NLRC3: variants seen among roughly 807,000 people sequenced by gnomAD.
NLRC3 encodes NLR family CARD domain containing 3.
In NLRC3, 87 loss-of-function variants were observed where a neutral mutation model predicts 91.6. The ratio of observed to expected loss-of-function variants is 0.95; its 90% CI spans 0.80 to 1.14. NLRC3 has a LOEUF of 1.14. NLRC3 is among the 50% of genes most tolerant of loss of function. NLRC3 has a pLI of 0.00. For missense variants in NLRC3, 1,577 were observed against 1,418.6 expected (o/e 1.11, Z -1.79); for synonymous variants, 694 against 625.3 (o/e 1.11, Z -1.64).
chr16:3,568,162 A>C (rs893191182), intron 1 of NLRC3, among the ~76,000 whole-genome samples: 2 of 152,182 alleles, frequency 1.3e-5, no homozygotes, highest in African/African-American at 4.8e-5. Context: ...TATCTGGAAA[A>C]TGATAAAAGA....
chr16:3,561,938 C>T (rs948340824), intron 5 of NLRC3, 150 bp from the exon 6 acceptor site: 32 of 620,458 alleles, frequency 5.2e-5, no homozygotes, highest in African/African-American at 5.0e-4. Context: ...CAGACCTTTC[C>T]CGTGAGAGTG....
rs190544570 is a variant in NLRC3 at position 3,543,741 on chromosome 16, G to A, written c.2856-233C>T. On this transcript the variant is annotated intron_variant, in intron 16 of 19. Transcript: ENST00000359128. ...ATAGAGGCTGTCCCTGGAAGGGCTC[G>A]GGGAGAATGCTCCCTGTACCTCCTC... The A allele has an allele frequency of 1.3e-3, 747 of 553,826 alleles. 3 individuals carry two copies. Among genetic ancestry groups the A allele is most frequent in the Middle Eastern group, 4.4e-3 (9 of 2,042 alleles). 34.3% of individuals were successfully genotyped at this position (553,826 alleles called of 1,614,324 possible).
chr16:3,559,906 G>A (rs1417784640), intron 6 of NLRC3, among the ~76,000 whole-genome samples: 1 of 151,982 alleles, frequency 6.6e-6, no homozygotes, highest in Admixed American at 6.6e-5. Flanking sequence ...GTCTCCCAAA[G>A]TGCTGGGATT....
At chr16:3,568,731 G>T (rs556442621) in intron 1 of NLRC3, among the ~76,000 whole-genome samples, 14 of 150,806 alleles carry the variant, frequency 9.3e-5, no homozygotes, top group African/African-American at 3.4e-4. Flanking sequence ...TGTCTTAGGA[G>T]AAAAAAAAAG....
At chr16:3,546,394 TAAAAA>T (rs57467448) in intron 15 of NLRC3, among the ~76,000 whole-genome samples, 9 of 134,172 alleles carry the variant, frequency 6.7e-5, no homozygotes, top group Non-Finnish European at 1.5e-4. Flanking sequence ...CCGTCTCTAT[TAAAAA>T]AAAAAAAAAA....
chr16:3,561,632 G>T, intron 6 of NLRC3, 70 bp downstream of exon 6: 1 of 1,063,170 alleles, frequency 9.4e-7, no homozygotes, highest in Non-Finnish European at 1.5e-6. Context: ...CTGAGCAGAG[G>T]ATGATGGGAA....
rs1056375968 is a variant in NLRC3, at chr16:3,542,698, C to T, written c.3017G>A (p.Arg1006Lys). 1 of 1,606,722 alleles carries T rather than the reference C, an allele frequency of 6.2e-7. No homozygotes were observed. Among genetic ancestry groups the T allele is most frequent in the African/African-American group, 1.3e-5 (1 of 74,924 alleles). ...NALKVNSSLR[R>K]LNLQENSLGM... ...GGTCCCTCCAGCCACTTACTTGAGT[C>T]TCCGGAGACTTGAGTTTACCTTCAG... Residue 1006 changes from arginine to lysine, a missense_variant, in exon 18 of 20, where the codon AGA becomes AAA. Transcript: ENST00000359128.
chr16:3,550,358 A>C, intron 11 of NLRC3, 56 bp downstream of exon 11: 13 of 1,206,718 alleles, frequency 1.1e-5, no homozygotes, highest in Non-Finnish European at 1.6e-5. Context: ...CTGCCGGCCC[A>C]CTATCTACTG....
intron 1 of NLRC3, among the ~76,000 whole-genome samples, chr16:3,575,944 G>A (rs78749819): frequency 0.017 from 2,572 of 152,196 alleles, 77 homozygotes; most frequent in African/African-American, 0.052. Context: ...CGGTTCTCTC[G>A]AGGTGGCCCC....
intron 11 of NLRC3, 107 bp downstream of exon 11, chr16:3,550,307 T>C (rs868426552): frequency 1.5e-4 from 107 of 697,896 alleles, no homozygotes; most frequent in Non-Finnish European, 1.1e-4. Context: ...AGGGTTAGTG[T>C]TGGCAGGGAA....
At position 3,549,138 on chromosome 16, in the gene NLRC3, G is replaced by A. The variant is rs776608318; in HGVS notation, c.2603+4C>T. ...CTGTGGAGTCACAGGCCCCCACCACGTACTCCAGGTTCTTCAGGGTGCTGT... is the reference window on the plus strand; with the variant it reads ...CTGTGGAGTCACAGGCCCCCACCACATACTCCAGGTTCTTCAGGGTGCTGT... On this transcript the variant is annotated splice_donor_region_variant and intron_variant, in intron 13 of 19. Coordinates refer to ENST00000359128, the MANE Select transcript of NLRC3 (RefSeq NM_178844.4). 6.8e-5 allele frequency: 107 copies of A among 1,565,400 alleles called. No individual in the cohort carries two copies. Among genetic ancestry groups the A allele is most frequent in the Non-Finnish European group, 8.4e-5 (97 of 1,153,220 alleles).
At chr16:3,568,875 AT>A (rs1393233564) in intron 1 of NLRC3, among the ~76,000 whole-genome samples, 1 of 152,160 alleles carries the variant, frequency 6.6e-6, no homozygotes, top group Non-Finnish European at 1.5e-5. Flanking sequence ...GTATCTAGGT[AT>A]TTTTAAAAAC....
At chr16:3,562,959 C>T in intron 5 of NLRC3, 50 bp downstream of exon 5, 1 of 1,495,608 alleles carries the variant, frequency 6.7e-7, no homozygotes, top group East Asian at 2.5e-5. Flanking sequence ...ACGGCTTCTG[C>T]TCTCTCCTCT....
chr16:3,556,284 T>TCGCACCACTGCA (rs112886501), intron 8 of NLRC3, among the ~76,000 whole-genome samples: 13,696 of 114,708 alleles, frequency 0.12, 1,172 homozygotes, highest in African/African-American at 0.24. Flanking sequence ...TGAGACAAGA[T>TCGCACCACTGCA]CTCCAGCCTG....
At position 3,561,765 on chromosome 16, in the gene NLRC3, T is replaced by A. The variant is rs746423955; in HGVS notation, c.1952A>T (p.Asp651Val). The change falls in exon 6 of 20, where the codon GAC becomes GTC. Residue 651 changes from aspartate (D) to valine (V), a missense_variant. Coordinates refer to ENST00000359128, the MANE Select transcript of NLRC3 (RefSeq NM_178844.4). ...GCTGCCCAGCAGCTCCATCACGGGG[T>A]CCTGGAACTGGTTGGTGTCCAGCCT... ...KLRLDTNQFQ[D>V]PVMELLGSVL... The A allele has an allele frequency of 1.8e-5, 29 of 1,613,444 alleles. No homozygotes were observed. The South Asian group carries it at 3.0e-4, about 16-fold the overall frequency.
intron 7 of NLRC3, 133 bp downstream of exon 7, chr16:3,557,460 G>T: frequency 1.6e-6 from 1 of 621,290 alleles, no homozygotes. Context: ...CCCAGGGGCT[G>T]AATCATGGGA....
chr16:3,568,739 A>T (rs1166462764), intron 1 of NLRC3, among the ~76,000 whole-genome samples: 1 of 152,108 alleles, frequency 6.6e-6, no homozygotes. Context: ...GAGAAAAAAA[A>T]AGATGGGATT....
In NLRC3 at chr16:3,564,385, G is replaced by T; in HGVS notation, c.552C>A (p.Thr184=). The part of the protein sequence containing the change: ...VLPLTFRDLN[T]HEKLCADRLI... ...GTCGGTCGGCACACAGCTTCTCGTG[G>T]GTGTTGAGATCCCGGAAGGTCAGAG... The change falls in exon 5 of 20, where the codon ACC becomes ACA. Residue 184 remains threonine, a synonymous_variant. Transcript: ENST00000359128. The surrounding 1 kb of genome is among the most constrained non-coding windows in gnomAD (Gnocchi z 5.9). The T allele has an allele frequency of 1.2e-6, 2 of 1,612,610 alleles. No individual in the cohort carries two copies. The highest frequency in any genetic ancestry group is 1.7e-6 in the Non-Finnish European group (2 of 1,179,878).
At position 3,543,515 on chromosome 16, in the gene NLRC3, C is replaced by G; in HGVS notation, c.2856-7G>C. On this transcript the variant is annotated splice_polypyrimidine_tract_variant and splice_region_variant and intron_variant, in intron 16 of 19. Transcript: ENST00000359128. ...AATTGAGGCCACCTGGAGACTGGGGCGGAGAGGGTGCCGTCAGTGTGAGCC... is the reference window on the plus strand; with the variant it reads ...AATTGAGGCCACCTGGAGACTGGGGGGGAGAGGGTGCCGTCAGTGTGAGCC... 6.2e-7 allele frequency: 1 copy of G among 1,609,408 alleles called. No homozygotes were observed. The highest frequency in any genetic ancestry group is 1.1e-5 in the South Asian group (1 of 90,610).
Sources: gnomAD v4.1 joint callset for allele counts (sites outside exome capture counted in the v4.1 genomes callset) on GRCh38, gnomAD v4.1.1 for gene constraint, Gnocchi (gnomAD v3.1) non-coding constraint, MANE v1.5 for transcripts, NCBI Gene and HGNC (gene_info 2026-07-23, HGNC 2026-07-21) for gene names.